SMYD2: variants seen among roughly 807,000 people sequenced by gnomAD.
The protein encoded by SMYD2 is SET and MYND domain containing 2.
A neutral mutation model predicts 59.1 loss-of-function variants in SMYD2; 53 were observed. The ratio of observed to expected loss-of-function variants is 0.90; its 90% confidence interval spans 0.72 to 1.13. The LOEUF (loss-of-function observed/expected upper bound fraction) is 1.13. Ranked by LOEUF, SMYD2 falls within the 50% of genes most tolerant of loss-of-function variation. SMYD2 has a pLI of 0.00. For synonymous variants in SMYD2, 208 were observed against 198.8 expected, an observed-to-expected ratio of 1.05 and a Z score of -0.39; for missense variants, 494 against 544.7, an observed-to-expected ratio of 0.91 and a Z score of 0.93.
At chr1:214,331,315 C>T in intron 9 of SMYD2, 1 of 459,068 alleles carries the variant, frequency 2.2e-6, no homozygotes, top group Non-Finnish European at 3.9e-6. Flanking sequence ...GGTGGAGGAC[C>T]ATGAAGGACA....
At chr1:214,282,188 CATA>C (rs1467987692) in intron 1 of SMYD2, among the ~76,000 whole-genome samples, 1 of 152,190 alleles carries the variant, frequency 6.6e-6, no homozygotes, top group Admixed American at 6.5e-5. Context: ...CACACCAACA[CATA>C]ATTATATCCT....
At chr1:214,329,252 C>A (rs1271501987) in intron 7 of SMYD2, among the ~76,000 whole-genome samples, 3 of 152,200 alleles carry the variant, frequency 2.0e-5, no homozygotes, top group African/African-American at 7.2e-5. Flanking sequence ...GTGTCCAGTA[C>A]CTCCCCATGG....
intron 1 of SMYD2, among the ~76,000 whole-genome samples, chr1:214,290,155 C>T (rs1272117285): frequency 6.6e-6 from 1 of 152,206 alleles, no homozygotes; most frequent in East Asian, 1.9e-4. Context: ...AGAAGGAAAT[C>T]AGATCTCTTC....
intron 6 of SMYD2, 101 bp downstream of exon 6, chr1:214,324,809 C>G: frequency 9.8e-7 from 1 of 1,023,058 alleles, no homozygotes; most frequent in Non-Finnish European, 1.5e-6. Flanking sequence ...ATGTGGCAGA[C>G]ATGAAACTCA....
chr1:214,312,921 A>T lies in SMYD2; in HGVS notation c.238-1841A>T, dbSNP rs1187948220. On this transcript the variant is annotated intron_variant, in intron 2 of 11. Transcript: ENST00000366957. The surrounding 1 kb of genome is among the most constrained non-coding windows in gnomAD (Gnocchi z 4.1). ...GAACCTAGTCCATGGGAGCAAGGACAGAAGCGGGCATCCAGTTAGAAGGCA... is the reference window on the plus strand; with the variant it reads ...GAACCTAGTCCATGGGAGCAAGGACTGAAGCGGGCATCCAGTTAGAAGGCA... Among the ~76,000 whole-genome samples the T allele has an allele frequency of 1.3e-5, 2 of 152,232 alleles. No homozygotes were observed. Among genetic ancestry groups the T allele is most frequent in the East Asian group, 3.9e-4 (2 of 5,190 alleles).
chr1:214,331,844 CATTT>C, intron 9 of SMYD2, 170 bp from the exon 10 acceptor site: 1 of 631,484 alleles, frequency 1.6e-6, no homozygotes, highest in Non-Finnish European at 2.7e-6. Flanking sequence ...AGGTTTTCTT[CATTT>C]GTTTTTTCTG....
At chr1:214,299,482 T>TATATATACACATATATATATATAC (rs751839365) in intron 1 of SMYD2, among the ~76,000 whole-genome samples, 9 of 45,864 alleles carry the variant, frequency 2.0e-4, no homozygotes, top group African/African-American at 6.0e-4. Context: ...TATATATATA[T>TATATATACACATATATATATATAC]ACACCATAGA....
chr1:214,334,418 T>A, intron 11 of SMYD2, 110 bp downstream of exon 11: 1 of 981,776 alleles, frequency 1.0e-6, no homozygotes, highest in Non-Finnish European at 1.6e-6. Context: ...GGTGAGCAGC[T>A]CTCACCCACC....
intron 1 of SMYD2, among the ~76,000 whole-genome samples, chr1:214,283,943 G>T (rs9970083): frequency 0.87 from 132,628 of 152,208 alleles, 58,336 homozygotes; most frequent in African/African-American, 0.97. Context: ...ATAAGTATAT[G>T]CTATAAATTG....
At chr1:214,311,538 G>A (rs933079932) in intron 2 of SMYD2, among the ~76,000 whole-genome samples, 1 of 152,140 alleles carries the variant, frequency 6.6e-6, no homozygotes, top group Admixed American at 6.5e-5. Context: ...GGGATAAAAT[G>A]CAGGTTTCTT....
chr1:214,331,942 A>G, intron 9 of SMYD2, 76 bp from the exon 10 acceptor site: 2 of 1,431,038 alleles, frequency 1.4e-6, no homozygotes, highest in South Asian at 1.4e-5. Flanking sequence ...AGTGGACGAA[A>G]TAACTCCTTG....
chr1:214,336,525 C>T (rs565273578), intron 11 of SMYD2, among the ~76,000 whole-genome samples, 179 bp from the exon 12 acceptor site: 11 of 151,978 alleles, frequency 7.2e-5, no homozygotes, highest in Middle Eastern at 3.4e-3. Context: ...GAGCGAGACT[C>T]CGTCTCAAAA....
chr1:214,292,176 A>C (rs1656646206), intron 1 of SMYD2, among the ~76,000 whole-genome samples: 1 of 150,190 alleles, frequency 6.7e-6, no homozygotes, highest in Non-Finnish European at 1.5e-5. Context: ...CCCTGATAGA[A>C]CTCCATGGTA....
At chr1:214,327,149 A>G (rs1217016918) in intron 6 of SMYD2, among the ~76,000 whole-genome samples, 2 of 152,170 alleles carry the variant, frequency 1.3e-5, no homozygotes, top group Non-Finnish European at 2.9e-5. Flanking sequence ...CGGGTCTCTC[A>G]GGGGATCACA....
At chr1:214,292,468 T>G (rs1656652121) in intron 1 of SMYD2, among the ~76,000 whole-genome samples, 2 of 152,182 alleles carry the variant, frequency 1.3e-5, no homozygotes, top group Admixed American at 6.5e-5. Context: ...TCATACAAAC[T>G]TCCTTTATCA....
chr1:214,307,736 C>T lies in SMYD2; in HGVS notation c.237+2486C>T, dbSNP rs142713220. ...TGAGATGCCCTTTATGGTTTCCCTG[C>T]CCCCAGGACCTAGAATCCCAGATTC... On this transcript the variant is annotated intron_variant, in intron 2 of 11. Coordinates refer to ENST00000366957, the MANE Select transcript of SMYD2 (RefSeq NM_020197.3). Among the ~76,000 whole-genome samples the T allele has an allele frequency of 3.5e-4, 54 of 152,214 alleles. No homozygotes were observed. In the East Asian group the frequency reaches 8.1e-3, roughly 23 times the overall value.
Position 214,336,740 on chromosome 1 carries a change from C to A in SMYD2, c.1258C>A (p.His420Asn). 6.2e-7 allele frequency: 1 copy of A among 1,613,848 alleles called. No homozygotes were observed. Among genetic ancestry groups the A allele is most frequent in the Non-Finnish European group, 8.5e-7 (1 of 1,179,970 alleles). The change falls in exon 12 of 12, where the codon CAT (histidine) becomes AAT (asparagine). Residue 420 changes from histidine to asparagine, a missense_variant. Physicochemically the swap from His to Asn is moderately conservative, Grantham distance 68 (BLOSUM62 1). Transcript: ENST00000366957. ...AIMEVAHGKD[H>N]PYISEIKQEI... ...CATGGAAGTAGCTCACGGCAAAGAT[C>A]ATCCATATATTTCTGAGATCAAACA...
intron 2 of SMYD2, among the ~76,000 whole-genome samples, chr1:214,310,191 C>T (rs1656977318): frequency 6.6e-6 from 1 of 152,198 alleles, no homozygotes; most frequent in African/African-American, 2.4e-5. Context: ...TGCTGGTGCA[C>T]CATGAGACAA....
chr1:214,312,663 T>C lies in SMYD2; in HGVS notation c.238-2099T>C, dbSNP rs116256362. On this transcript the variant is annotated intron_variant, in intron 2 of 11. Transcript: ENST00000366957. The surrounding 1 kb of genome is among the most constrained non-coding windows in gnomAD (Gnocchi z 4.1). ...CAAGTGCGAAGGGCCTTGAGGCAGG[T>C]ACATGGCTCCAGGCGCAGCCAGGAC... 0.012 allele frequency among the ~76,000 whole-genome samples: 1,887 copies of C among 152,194 alleles called. 22 individuals carry two copies. Among genetic ancestry groups the C allele is most frequent in the African/African-American group, 0.043 (1,771 of 41,510 alleles).
Sources: gnomAD v4.1 joint callset for allele counts (sites outside exome capture counted in the v4.1 genomes callset) on GRCh38, gnomAD v4.1.1 for gene constraint, Gnocchi (gnomAD v3.1) non-coding constraint, MANE v1.5 for transcripts, NCBI Gene and HGNC (gene_info 2026-07-23, HGNC 2026-07-21) for gene names.